Variants in EFCAB13 observed in about 807,000 individuals in gnomAD.
EFCAB13 encodes the protein EF-hand calcium-binding domain-containing protein 13.
Under a neutral mutation model 110.2 loss-of-function variants are expected in EFCAB13, and 91 were observed. That is an observed-to-expected ratio of 0.83 (90% confidence interval 0.70 to 0.98). EFCAB13 has a LOEUF of 0.98. EFCAB13 is among the 50% of genes least tolerant of loss of function. EFCAB13 has a pLI of 0.00. For synonymous variants in EFCAB13, 323 were observed against 369.9 expected (o/e 0.87, Z 1.45); for missense variants, 968 against 1,119.4 (o/e 0.86, Z 1.93).
At chr17:47,355,513 G>A (rs181773334) in intron 9 of EFCAB13, among the ~76,000 whole-genome samples, 12 of 151,122 alleles carry the variant, frequency 7.9e-5, no homozygotes, top group Admixed American at 7.9e-4. Context: ...TGGAAACACC[G>A]ATTATTCTTA....
intron 3 of EFCAB13, among the ~76,000 whole-genome samples, chr17:47,327,796 A>G (rs901651212): frequency 2.0e-5 from 3 of 152,138 alleles, no homozygotes; most frequent in Non-Finnish European, 2.9e-5. Flanking sequence ...TTGAAAGGCA[A>G]TGTTCTATGG....
chr17:47,335,141 T>C, intron 4 of EFCAB13, 55 bp from the exon 5 acceptor site: 1 of 1,460,878 alleles, frequency 6.8e-7, no homozygotes, highest in Non-Finnish European at 9.1e-7. Context: ...GAATGTCATA[T>C]TTAATATGTA....
intron 21 of EFCAB13, among the ~76,000 whole-genome samples, chr17:47,410,120 A>T (rs1279160738): frequency 6.7e-6 from 1 of 148,314 alleles, no homozygotes; most frequent in Non-Finnish European, 1.5e-5. Context: ...AATTTGTATA[A>T]AAAAAAAAAA....
intron 11 of EFCAB13, among the ~76,000 whole-genome samples, chr17:47,370,715 G>GT (rs370452906): frequency 0.012 from 1,813 of 147,636 alleles, 36 homozygotes; most frequent in East Asian, 0.064. Flanking sequence ...TCTTTGCCCA[G>GT]TTTTTTGTTG....
At chr17:47,349,642 G>A (rs1451092400) in intron 9 of EFCAB13, among the ~76,000 whole-genome samples, 2 of 151,392 alleles carry the variant, frequency 1.3e-5, no homozygotes, top group African/African-American at 2.4e-5. Flanking sequence ...TATGTTCTTA[G>A]TGAGTTTGCT....
Position 47,406,389 on chromosome 17 carries a change from A to G in EFCAB13, c.2233+1756A>G, listed in dbSNP as rs138940673. 3.0e-3 allele frequency among the ~76,000 whole-genome samples: 459 copies of G among 152,268 alleles called. 6 individuals carry two copies. Among genetic ancestry groups the G allele is most frequent in the African/African-American group, 0.011 (439 of 41,564 alleles). ...CTCCCAAAGTGCTGGGATTACAGGC[A>G]TGAACCACGCCCGGCCAAATTTCAA... On this transcript the variant is annotated intron_variant, in intron 20 of 24. Transcript: ENST00000331493.
chr17:47,376,474 G>A (rs2065615824), intron 12 of EFCAB13, among the ~76,000 whole-genome samples: 1 of 152,144 alleles, frequency 6.6e-6, no homozygotes, highest in South Asian at 2.1e-4. Context: ...TCTGAATATA[G>A]AGAAGTATGA....
intron 23 of EFCAB13, among the ~76,000 whole-genome samples, chr17:47,428,814 A>G (rs1264887082): frequency 6.6e-6 from 1 of 152,168 alleles, no homozygotes; most frequent in Non-Finnish European, 1.5e-5. Context: ...TTTACATTAT[A>G]TCAATGTAAT....
At chr17:47,414,575 A>G (rs567584618) in intron 22 of EFCAB13, among the ~76,000 whole-genome samples, 1 of 152,202 alleles carries the variant, frequency 6.6e-6, no homozygotes, top group African/African-American at 2.4e-5. Context: ...TATGACGATT[A>G]CATGATTTAA....
chr17:47,332,502 C>T (rs1464767576), intron 4 of EFCAB13, among the ~76,000 whole-genome samples: 1 of 152,044 alleles, frequency 6.6e-6, no homozygotes. Flanking sequence ...CTTGTTCCTC[C>T]AGTCTAACTG....
chr17:47,410,903 A>T (rs539960323), intron 21 of EFCAB13, among the ~76,000 whole-genome samples: 1 of 152,300 alleles, frequency 6.6e-6, no homozygotes, highest in East Asian at 1.9e-4. Context: ...TGCTGTTATT[A>T]AATTCTGTCC....
chr17:47,414,920 G>T lies in EFCAB13; in HGVS notation c.2494+1G>T. On this transcript the variant is annotated splice_donor_variant, in intron 23 of 24. Transcript: ENST00000331493. LOFTEE classifies it high-confidence loss of function. ...AGTCCACATTTCCAAAAGTCCAAGG[G>T]TAAGTGAATACTTCTTGTTCAAGAG... 6.3e-7 allele frequency: 1 copy of T among 1,578,222 alleles called. No individual in the cohort carries two copies. Among genetic ancestry groups the T allele is most frequent in the Non-Finnish European group, 8.7e-7 (1 of 1,153,614 alleles).
At chr17:47,349,766 T>C (rs1449027884) in intron 9 of EFCAB13, among the ~76,000 whole-genome samples, 2 of 113,700 alleles carry the variant, frequency 1.8e-5, no homozygotes, top group African/African-American at 3.1e-5. Context: ...TTTCTTTTTT[T>C]TTTTTTTTTT....
chr17:47,426,766 A>G (rs1251546437), intron 23 of EFCAB13, among the ~76,000 whole-genome samples: 1 of 152,200 alleles, frequency 6.6e-6, no homozygotes, highest in African/African-American at 2.4e-5. Flanking sequence ...ATAACATTGT[A>G]GTTAAATTTT....
chr17:47,363,485 G>A (rs1223124186), intron 10 of EFCAB13, among the ~76,000 whole-genome samples: 7 of 149,078 alleles, frequency 4.7e-5, no homozygotes, highest in African/African-American at 7.5e-5. Context: ...TTTTGAGGGA[G>A]CTCACGTTCA....
chr17:47,439,466 C>T (rs1180563234), intron 24 of EFCAB13, among the ~76,000 whole-genome samples: 1 of 152,036 alleles, frequency 6.6e-6, no homozygotes, highest in African/African-American at 2.4e-5. Context: ...CATGAGCCAC[C>T]ATGTCTGGCC....
intron 20 of EFCAB13, 22 bp downstream of exon 20, chr17:47,404,655 T>C (rs751377016): frequency 9.6e-6 from 15 of 1,558,816 alleles, no homozygotes; most frequent in Non-Finnish European, 1.3e-5. Flanking sequence ...ATGGTAATAC[T>C]GTTAGAAGGC....
intron 6 of EFCAB13, among the ~76,000 whole-genome samples, chr17:47,343,864 A>G (rs1284438866): frequency 1.3e-5 from 2 of 152,076 alleles, no homozygotes; most frequent in Non-Finnish European, 1.5e-5. Context: ...TGTTCTCTCT[A>G]TACCATAGGT....
At chr17:47,403,788 G>A in intron 18 of EFCAB13, 90 bp from the exon 19 acceptor site, 1 of 1,230,538 alleles carries the variant, frequency 8.1e-7, no homozygotes, top group Non-Finnish European at 1.1e-6. Context: ...CCTCAGTTCA[G>A]GATACAATAA....
Sources: allele counts gnomAD v4.1 joint callset (sites outside exome capture counted in the v4.1 genomes callset), GRCh38; gene constraint gnomAD v4.1.1; transcripts MANE v1.5; gene names NCBI Gene and HGNC (gene_info 2026-07-23, HGNC 2026-07-21).